IREB2: variants seen among roughly 807,000 people sequenced by gnomAD.
The protein encoded by IREB2 is iron-responsive element-binding protein 2.
In IREB2, 39 loss-of-function variants were observed where a neutral mutation model predicts 118.8. That is an observed-to-expected ratio of 0.33 (90% CI 0.25 to 0.43). The LOEUF is 0.43. Ranked by LOEUF, IREB2 falls within the 20% of genes least tolerant of loss-of-function variation. IREB2 has a pLI of 1.00. For synonymous variants in IREB2, 372 were observed against 392.2 expected, an observed-to-expected ratio of 0.95 and a Z score of 0.61; for missense variants, 900 against 1,147.3, an observed-to-expected ratio of 0.78 and a Z score of 3.11.
At chr15:78,457,712 T>G (rs1414549853) in intron 2 of IREB2, among the ~76,000 whole-genome samples, 1 of 152,152 alleles carries the variant, frequency 6.6e-6, no homozygotes, top group African/African-American at 2.4e-5. Flanking sequence ...TAATACTTTG[T>G]TTTTCAAAAT....
intron 2 of IREB2, among the ~76,000 whole-genome samples, chr15:78,454,810 C>T (rs2051079735): frequency 6.6e-6 from 1 of 152,218 alleles, no homozygotes; most frequent in African/African-American, 2.4e-5. Flanking sequence ...CCTCCCGCTT[C>T]AGCCTCGTTA....
At chr15:78,455,917 G>T (rs2051097390) in intron 2 of IREB2, among the ~76,000 whole-genome samples, 1 of 152,198 alleles carries the variant, frequency 6.6e-6, no homozygotes, top group African/African-American at 2.4e-5. Context: ...CACTCACATG[G>T]CTGACAGGCT....
chr15:78,445,774 CTTGTTTTGTTTTGT>C (rs2050918950), intron 2 of IREB2, among the ~76,000 whole-genome samples: 1 of 151,954 alleles, frequency 6.6e-6, no homozygotes, highest in Non-Finnish European at 1.5e-5. Context: ...GACTCTTTTA[CTTGTTTTGTTTTGT>C]TTGTTTTGTT....
chr15:78,467,186 G>A (rs1442952111), intron 5 of IREB2, among the ~76,000 whole-genome samples: 1 of 144,322 alleles, frequency 6.9e-6, no homozygotes, highest in African/African-American at 2.5e-5. Context: ...TCCAGCCTGG[G>A]TGTGACGGAG....
chr15:78,482,035 A>G (rs994422780), intron 10 of IREB2, among the ~76,000 whole-genome samples: 9 of 152,064 alleles, frequency 5.9e-5, no homozygotes, highest in African/African-American at 2.2e-4. Context: ...TGAGCTCAGG[A>G]CCAGCCTGGG....
chr15:78,488,857 A>C, intron 16 of IREB2, 86 bp downstream of exon 16: 1 of 751,724 alleles, frequency 1.3e-6, no homozygotes, highest in Non-Finnish European at 2.0e-6. Context: ...AATAAAAATT[A>C]AAATTACATT....
chr15:78,455,426 T>C (rs1366666145), intron 2 of IREB2, among the ~76,000 whole-genome samples: 1 of 152,132 alleles, frequency 6.6e-6, no homozygotes, highest in Non-Finnish European at 1.5e-5. Context: ...GTAGAATTAA[T>C]ATTGTTGAAA....
Position 78,494,211 on chromosome 15 carries a change from A to C in IREB2, c.2542A>C (p.Lys848Gln), listed in dbSNP as rs200881284. Residue 848 changes from lysine (K) to glutamine (Q), a missense_variant, in exon 20 of 22, where the codon AAA becomes CAA. Physicochemically the swap from Lys to Gln is moderately conservative, Grantham distance 53. Coordinates refer to ENST00000258886, the MANE Select transcript of IREB2 (RefSeq NM_004136.4). The stretch of plus-strand genomic sequence containing the variant: ...CCCACTGATTATTTTAGCAGGAAAG[A>C]AATATGGTTCAGGAAACTCCAGAGA... ...GIPLIILAGK[K>Q]YGSGNSRDWA... 1.1e-5 allele frequency: 17 copies of C among 1,613,988 alleles called. No homozygotes were observed. Among genetic ancestry groups the C allele is most frequent in the Non-Finnish European group, 1.4e-5 (17 of 1,179,990 alleles).
chr15:78,461,210 C>G (rs1312759291), intron 2 of IREB2, among the ~76,000 whole-genome samples: 1 of 152,184 alleles, frequency 6.6e-6, no homozygotes. Flanking sequence ...TGCTTTTTAT[C>G]ATACATTGTC....
intron 8 of IREB2, chr15:78,475,414 A>T (rs2051452034): frequency 6.6e-6 from 1 of 152,218 alleles, no homozygotes; most frequent in African/African-American, 2.4e-5. Context: ...AGATGCTGTA[A>T]ACATTTGGGC....
chr15:78,450,824 T>TTGTGTGTGTGTGTG (rs35092289), intron 2 of IREB2, among the ~76,000 whole-genome samples: 1 of 134,020 alleles, frequency 7.5e-6, no homozygotes, highest in African/African-American at 2.8e-5. Context: ...ATTAACAAAT[T>TTGTGTGTGTGTGTG]TGTGTGTGTG....
chr15:78,498,140 A>T lies in IREB2; in HGVS notation c.2889A>T (p.Ser963=). The T allele has an allele frequency of 1.3e-6, 2 of 1,547,328 alleles. No homozygotes were observed. The highest frequency in any genetic ancestry group is 1.8e-6 in the Non-Finnish European group (2 of 1,119,110). Residue 963 remains serine, a synonymous_variant, in exon 22 of 22, where the codon TCA becomes TCT. Transcript: ENST00000258886. ...GLLNFVARKF[S] is the part of the protein sequence containing the mutation. ...TAAACTTTGTGGCACGAAAATTCTC[A>T]TAGTATCTACTTACCATAGATACCT... is the stretch of plus-strand genomic sequence containing the variant.
At chr15:78,488,506 G>GGT in intron 15 of IREB2, 141 bp from the exon 16 acceptor site, 3 of 959,186 alleles carry the variant, frequency 3.1e-6, no homozygotes, top group Non-Finnish European at 4.5e-6. Flanking sequence ...AAAATGTACA[G>GGT]GTAATTAGTT....
intron 9 of IREB2, among the ~76,000 whole-genome samples, chr15:78,477,074 A>G (rs2051484161): frequency 2.0e-5 from 3 of 152,194 alleles, no homozygotes; most frequent in African/African-American, 7.2e-5. Context: ...TTAATCAGAC[A>G]GCAAAATTGA....
intron 10 of IREB2, among the ~76,000 whole-genome samples, chr15:78,482,873 G>A (rs1478332741): frequency 1.3e-5 from 2 of 151,514 alleles, no homozygotes; most frequent in South Asian, 4.2e-4. Flanking sequence ...TCAGCCTCCC[G>A]AGTAGCTGGG....
At chr15:78,496,550 G>A (rs1376544354) in intron 20 of IREB2, among the ~76,000 whole-genome samples, 1 of 151,972 alleles carries the variant, frequency 6.6e-6, no homozygotes, top group Non-Finnish European at 1.5e-5. Flanking sequence ...TTACAGGTGT[G>A]AGCCACTGCA....
In IREB2 at chr15:78,485,758, A is replaced by G. The variant is rs1191958799; in HGVS notation, c.1627A>G (p.Arg543Gly). 1 of 1,614,012 alleles carries G rather than the reference A, an allele frequency of 6.2e-7. No individual in the cohort carries two copies. Among genetic ancestry groups the G allele is most frequent in the South Asian group, 1.1e-5 (1 of 91,072 alleles). The part of the protein sequence containing the change: ...EAGLRVKPYI[R>G]TSLSPGSGMV... ...TGGTCTGCGTGTTAAACCTTATATA[A>G]GAACAAGTTTATCTCCAGGCAGTGG... is the stretch of plus-strand genomic sequence containing the variant. The change falls in exon 13 of 22, where the codon AGA becomes GGA. Residue 543 changes from arginine (R) to glycine (G), a missense_variant. Coordinates refer to ENST00000258886, the MANE Select transcript of IREB2 (RefSeq NM_004136.4).
chr15:78,451,806 G>A lies in IREB2; in HGVS notation c.107-11116G>A, dbSNP rs1450861841. On this transcript the variant is annotated intron_variant, in intron 2 of 21. Coordinates refer to ENST00000258886, the MANE Select transcript of IREB2 (RefSeq NM_004136.4). ...TAGTTCAAGCGATTCTCCTGCCTCA[G>A]CCTTCCTAGTAGCTGGAACTACAGG... Among the ~76,000 whole-genome samples, 11 of 152,040 alleles carry A rather than the reference G, an allele frequency of 7.2e-5. No individual in the cohort carries two copies. In the East Asian group the frequency reaches 2.1e-3, roughly 29 times the overall value.
chr15:78,466,216 C>T (rs930757807), intron 4 of IREB2, 55 bp from the exon 5 acceptor site: 1 of 1,215,870 alleles, frequency 8.2e-7, no homozygotes. Flanking sequence ...TTTTTAAGAG[C>T]TAAATTTGTG....
Sources: gnomAD v4.1 joint callset for allele counts (sites outside exome capture counted in the v4.1 genomes callset) on GRCh38, gnomAD v4.1.1 for gene constraint, MANE v1.5 for transcripts, NCBI Gene and HGNC (gene_info 2026-07-23, HGNC 2026-07-21) for gene names.